BCL2L14: variants seen among roughly 807,000 people sequenced by gnomAD.
BCL2L14 encodes the protein BCL2 like 14.
BCL2L14 carries 27 observed loss-of-function variants against 35.3 expected under a neutral mutation model. The ratio of observed to expected loss-of-function variants is 0.76; its 90% CI spans 0.56 to 1.05. BCL2L14 has a LOEUF of 1.05. Among genes scored for constraint, BCL2L14 ranks in the 50% least tolerant of loss-of-function variants. The pLI is 0.00. For missense variants in BCL2L14, 377 were observed against 382.6 expected, an observed-to-expected ratio of 0.99 and a Z score of 0.12; for synonymous variants, 139 against 145.9, an observed-to-expected ratio of 0.95 and a Z score of 0.34.
At chr12:12,065,794 ATT>A (rs35435604) in intron 2 of BCL2L14, among the ~76,000 whole-genome samples, 296 of 139,778 alleles carry the variant, frequency 2.1e-3, no homozygotes, top group African/African-American at 6.8e-3. Context: ...CTTTGTTTCT[ATT>A]TTTTTTTTTT....
chr12:12,052,484 G>A (rs1488354733), intron 2 of BCL2L14, among the ~76,000 whole-genome samples: 1 of 152,140 alleles, frequency 6.6e-6, no homozygotes, highest in Non-Finnish European at 1.5e-5. Context: ...TTGTCTTTCT[G>A]TGCCTGGCTT....
chr12:12,054,295 G>A (rs973430499), intron 2 of BCL2L14, among the ~76,000 whole-genome samples: 2 of 152,074 alleles, frequency 1.3e-5, no homozygotes, highest in Non-Finnish European at 2.9e-5. Flanking sequence ...CTGAAGTCAG[G>A]AGTTCGAGAC....
chr12:12,079,799 G>A, intron 2 of BCL2L14, 61 bp downstream of exon 2: 1 of 1,518,184 alleles, frequency 6.6e-7, no homozygotes, highest in Non-Finnish European at 9.0e-7. Context: ...TGTGTCCAGA[G>A]TGGTACATCT....
At chr12:12,069,426 G>A (rs189617424), upstream of BCL2L14, among the ~76,000 whole-genome samples, 11 of 152,158 alleles carry the variant, frequency 7.2e-5, no homozygotes, top group Admixed American at 2.6e-4. Context: ...TTGGCCAGGC[G>A]CGGTGGCTCA....
intron 2 of BCL2L14, among the ~76,000 whole-genome samples, chr12:12,084,351 G>C (rs1056809653): frequency 5.9e-5 from 9 of 152,188 alleles, no homozygotes; most frequent in Admixed American, 2.6e-4. Context: ...AGGGAATATA[G>C]TTTGTTCAGC....
At chr12:12,064,272 C>T (rs57909178) in intron 2 of BCL2L14, among the ~76,000 whole-genome samples, 1,558 of 151,702 alleles carry the variant, frequency 0.01, 30 homozygotes, top group African/African-American at 0.035. Context: ...GGACTACAGG[C>T]ATGCAGTACC....
intron 2 of BCL2L14, among the ~76,000 whole-genome samples, chr12:12,082,580 C>T (rs1488619382): frequency 6.6e-6 from 1 of 152,108 alleles, no homozygotes; most frequent in African/African-American, 2.4e-5. Flanking sequence ...TCTAAAATTT[C>T]AAGAGAAGCT....
intron 2 of BCL2L14, among the ~76,000 whole-genome samples, chr12:12,081,424 C>G (rs1406555647): frequency 6.8e-5 from 10 of 147,714 alleles, no homozygotes; most frequent in Non-Finnish European, 1.3e-4. Context: ...CACTGCACCC[C>G]AGCTCTGGGT....
chr12:12,089,962 C>T (rs1183942528), intron 3 of BCL2L14, among the ~76,000 whole-genome samples: 1 of 152,090 alleles, frequency 6.6e-6, no homozygotes. Flanking sequence ...TGTAGGCCAG[C>T]AAGACTATCC....
At chr12:12,063,101 G>A in intron 2 of BCL2L14, among the ~76,000 whole-genome samples, 1 of 151,938 alleles carries the variant, frequency 6.6e-6, no homozygotes, top group East Asian at 1.9e-4. Flanking sequence ...CTTAGACTGT[G>A]CCCCAAAAAA....
chr12:12,055,594 C>T (rs1948419647), intron 2 of BCL2L14: 1 of 152,246 alleles, frequency 6.6e-6, no homozygotes, highest in Non-Finnish European at 1.5e-5. Flanking sequence ...CTGAGATTCA[C>T]TTACAGCTGC....
At chr12:12,068,317 G>A (rs1050483859), upstream of BCL2L14, 2 of 396,510 alleles carry the variant, frequency 5.0e-6, no homozygotes, top group Non-Finnish European at 8.9e-6. Flanking sequence ...CTCCAGTATG[G>A]ACATACTATG....
At chr12:12,090,223 G>C (rs1019498803) in intron 3 of BCL2L14, among the ~76,000 whole-genome samples, 23 of 152,162 alleles carry the variant, frequency 1.5e-4, no homozygotes, top group African/African-American at 5.3e-4. Context: ...GAGAGCTGGG[G>C]GACTGAGCAA....
chr12:12,050,760 C>G (rs1409995086), intron 1 of BCL2L14, among the ~76,000 whole-genome samples: 1 of 100,798 alleles, frequency 9.9e-6, no homozygotes, highest in African/African-American at 4.1e-5. Context: ...TTGGGCCACA[C>G]ATAAAACACA....
chr12:12,090,872 G>A, intron 4 of BCL2L14, 23 bp downstream of exon 4: 1 of 1,583,184 alleles, frequency 6.3e-7, no homozygotes, highest in Non-Finnish European at 8.6e-7. Context: ...TTGAACTGAT[G>A]CGATTGATTT....
At chr12:12,097,343 C>T (rs1247100307) in intron 5 of BCL2L14, among the ~76,000 whole-genome samples, 2 of 152,100 alleles carry the variant, frequency 1.3e-5, no homozygotes, top group East Asian at 1.9e-4. Context: ...TATAGCCACA[C>T]AATGGAATGT....
intron 2 of BCL2L14, among the ~76,000 whole-genome samples, chr12:12,058,073 C>T (rs569935924): frequency 1.3e-5 from 2 of 150,984 alleles, no homozygotes; most frequent in African/African-American, 2.4e-5. Context: ...TCGGCCTCCC[C>T]GAGTAGCTGG....
intron 2 of BCL2L14, among the ~76,000 whole-genome samples, chr12:12,052,348 A>G (rs117099781): frequency 0.065 from 9,844 of 152,134 alleles, 426 homozygotes; most frequent in Non-Finnish European, 0.089. Context: ...CTCTTGTCTA[A>G]CTGAAACTGT....
intron 4 of BCL2L14, chr12:12,094,443 T>G: frequency 1.5e-6 from 2 of 1,351,760 alleles, no homozygotes; most frequent in Non-Finnish European, 2.1e-6. Flanking sequence ...GACTGTTCCA[T>G]TTTATACATG....
Sources: allele counts gnomAD v4.1 joint callset (sites outside exome capture counted in the v4.1 genomes callset), GRCh38; gene constraint gnomAD v4.1.1; transcripts MANE v1.5; gene names NCBI Gene and HGNC (gene_info 2026-07-23, HGNC 2026-07-21).